The following LRP1B variants were observed in gnomAD, a reference collection of about 807,000 sequenced individuals.
LRP1B encodes LDL receptor related protein 1B.
In LRP1B, 217 loss-of-function variants were observed where a neutral mutation model predicts 556.6. The observed-to-expected ratio is 0.39, with a 90% CI of 0.35 to 0.44. The LOEUF is 0.44. Among genes scored for constraint, LRP1B ranks in the 20% least tolerant of loss-of-function variants. The pLI is 1.00. For missense variants in LRP1B, 5,053 were observed against 5,620.8 expected, an observed-to-expected ratio of 0.90 and a Z score of 3.23; for synonymous variants, 2,047 against 1,865.8, an observed-to-expected ratio of 1.10 and a Z score of -2.50.
chr2:140,456,223 G>A (rs1687101621), intron 62 of LRP1B, among the ~76,000 whole-genome samples: 2 of 152,086 alleles, frequency 1.3e-5, no homozygotes, highest in African/African-American at 4.8e-5. Context: ...GTGGATCTGT[G>A]AAATAATTTT....
At chr2:141,698,486 G>T (rs1229241280) in intron 2 of LRP1B, among the ~76,000 whole-genome samples, 1 of 120,318 alleles carries the variant, frequency 8.3e-6, no homozygotes, top group South Asian at 2.9e-4. Flanking sequence ...AAAATCTGTT[G>T]TACACTTAAA....
In LRP1B at chr2:141,075,652, C is replaced by T. The variant is rs114111377; in HGVS notation, c.1014-13379G>A. On this transcript the variant is annotated intron_variant, in intron 7 of 90. Transcript: ENST00000389484. ...TACAGAGGTGGGTAACCTGATTCTG[C>T]ACTTAAGGAAGTCCTATTGGCTTGT... Among the ~76,000 whole-genome samples the T allele has an allele frequency of 1.1e-3, 169 of 152,228 alleles. 1 individual carries two copies. The highest frequency in any genetic ancestry group is 3.1e-3 in the African/African-American group (129 of 41,552).
chr2:141,202,182 TC>T (rs776754594), intron 6 of LRP1B, among the ~76,000 whole-genome samples: 1 of 152,118 alleles, frequency 6.6e-6, no homozygotes, highest in African/African-American at 2.4e-5. Context: ...ATCATTCAGC[TC>T]CCACTTGTGA....
chr2:141,721,355 C>T (rs1221470502), intron 2 of LRP1B, among the ~76,000 whole-genome samples: 6 of 152,004 alleles, frequency 3.9e-5, no homozygotes, highest in Admixed American at 3.9e-4. Context: ...TCTAGATAAA[C>T]TGTTGTTGCT....
Position 141,886,979 on chromosome 2 carries a change from T to G in LRP1B, c.83-76578A>C, listed in dbSNP as rs143680870. Among the ~76,000 whole-genome samples the G allele has an allele frequency of 1.0e-3, 152 of 145,194 alleles. 1 individual carries two copies. Among genetic ancestry groups the G allele is most frequent in the African/African-American group, 2.3e-3 (94 of 40,300 alleles). Reference sequence around the variant, plus strand: ...TTTTCTTTTTCTTTTTTTTTTTTTTTGGGTTTTTTGTTTGTTTGTTTTGTT... The same window carrying G: ...TTTTCTTTTTCTTTTTTTTTTTTTTGGGGTTTTTTGTTTGTTTGTTTTGTT... On this transcript the variant is annotated intron_variant, in intron 1 of 90. Coordinates refer to ENST00000389484, the MANE Select transcript of LRP1B (RefSeq NM_018557.3).
At chr2:141,952,193 A>G (rs1326298448) in intron 1 of LRP1B, among the ~76,000 whole-genome samples, 1 of 146,106 alleles carries the variant, frequency 6.8e-6, no homozygotes, top group African/African-American at 2.5e-5. Flanking sequence ...TCCTTTTTTT[A>G]TGGCTGCATA....
chr2:142,011,746 T>C (rs2105156774), intron 1 of LRP1B, among the ~76,000 whole-genome samples: 1 of 152,320 alleles, frequency 6.6e-6, no homozygotes, highest in East Asian at 1.9e-4. Flanking sequence ...TTTGTCTTCA[T>C]CCATGAAATG....
chr2:141,251,707 C>T (rs442290), intron 4 of LRP1B, among the ~76,000 whole-genome samples: 32,751 of 151,812 alleles, frequency 0.22, 3,620 homozygotes, highest in South Asian at 0.25. Context: ...GACAGCAAAA[C>T]AAGCATGGGT....
chr2:141,270,942 T>C (rs1355614792), intron 3 of LRP1B, among the ~76,000 whole-genome samples: 13 of 152,028 alleles, frequency 8.6e-5, no homozygotes, highest in Admixed American at 8.5e-4. Context: ...GCAAGTTTTA[T>C]ATTATATGTG....
At chr2:141,616,288 T>TAA (rs11349855) in intron 2 of LRP1B, among the ~76,000 whole-genome samples, 14,993 of 137,290 alleles carry the variant, frequency 0.11, 914 homozygotes, top group South Asian at 0.25. Context: ...CTCAAGAAAA[T>TAA]AAAAAAAAAA....
chr2:141,905,719 T>C (rs1284044572), intron 1 of LRP1B, among the ~76,000 whole-genome samples: 1 of 151,274 alleles, frequency 6.6e-6, no homozygotes, highest in Non-Finnish European at 1.5e-5. Context: ...GCCACCTTCA[T>C]TCATATAACC....
At chr2:141,378,802 G>A (rs1017649614) in intron 3 of LRP1B, among the ~76,000 whole-genome samples, 1 of 152,126 alleles carries the variant, frequency 6.6e-6, no homozygotes. Flanking sequence ...TTTAAGGCCA[G>A]TTAACTGAAA....
At chr2:140,629,316 C>T (rs927619247) in intron 41 of LRP1B, among the ~76,000 whole-genome samples, 4 of 152,016 alleles carry the variant, frequency 2.6e-5, no homozygotes. Flanking sequence ...GATCCACCCC[C>T]CTTGGCCTCC....
At chr2:140,849,076 G>A (rs1651996) in intron 29 of LRP1B, among the ~76,000 whole-genome samples, 1 of 151,874 alleles carries the variant, frequency 6.6e-6, no homozygotes, top group South Asian at 2.1e-4. Context: ...GGGGAGGGAG[G>A]CCGGGCATGG....
intron 3 of LRP1B, among the ~76,000 whole-genome samples, chr2:141,335,792 A>C (rs1270393724): frequency 6.6e-6 from 1 of 152,158 alleles, no homozygotes; most frequent in African/African-American, 2.4e-5. Context: ...CAGAGATGGA[A>C]AAAAAGAGAG....
intron 77 of LRP1B, among the ~76,000 whole-genome samples, chr2:140,345,093 T>C (rs2105103724): frequency 6.6e-6 from 1 of 151,848 alleles, no homozygotes; most frequent in Middle Eastern, 3.4e-3. Context: ...TCAGGATACT[T>C]TGTAGTGTGT....
chr2:140,971,971 G>A (rs1334267620), intron 18 of LRP1B, among the ~76,000 whole-genome samples: 2 of 152,212 alleles, frequency 1.3e-5, no homozygotes, highest in East Asian at 1.9e-4. Flanking sequence ...AGCACTGCAA[G>A]CAACTCATAT....
chr2:140,650,025 G>A (rs2105317996), intron 41 of LRP1B, among the ~76,000 whole-genome samples: 1 of 152,086 alleles, frequency 6.6e-6, no homozygotes, highest in African/African-American at 2.4e-5. Context: ...TCTATTTTGA[G>A]AAATATTTAC....
At chr2:142,048,431 C>T (rs1384818233) in intron 1 of LRP1B, among the ~76,000 whole-genome samples, 1 of 152,036 alleles carries the variant, frequency 6.6e-6, no homozygotes, top group Admixed American at 6.6e-5. Context: ...TTTGCAGTTT[C>T]AGCAACTGCC....
Sources: gnomAD v4.1 joint callset for allele counts (sites outside exome capture counted in the v4.1 genomes callset) on GRCh38, gnomAD v4.1.1 for gene constraint, MANE v1.5 for transcripts, NCBI Gene and HGNC (gene_info 2026-07-23, HGNC 2026-07-21) for gene names.